The following NCF2 variants were observed in gnomAD, a reference collection of about 807,000 sequenced individuals.
NCF2 encodes the protein neutrophil cytosolic factor 2.
A neutral mutation model predicts 70.9 loss-of-function variants in NCF2; 45 were observed. The observed-to-expected ratio is 0.63, with a 90% CI of 0.50 to 0.81. The LOEUF is 0.81. Ranked by LOEUF, NCF2 falls within the 40% of genes least tolerant of loss-of-function variation. The pLI is 0.00. For missense variants in NCF2, 522 were observed against 631.6 expected (o/e 0.83, Z 1.86); for synonymous variants, 203 against 233.6 (o/e 0.87, Z 1.19).
At chr1:183,590,702 T>A (rs1049743448), upstream of NCF2, 2 of 306,526 alleles carry the variant, frequency 6.5e-6, no homozygotes, top group Admixed American at 4.3e-5. Context: ...CCCACCCCTG[T>A]TCTGTGGCAG....
intron 11 of NCF2, chr1:183,563,789 TA>T: frequency 1.2e-6 from 1 of 809,276 alleles, no homozygotes; most frequent in Non-Finnish European, 2.0e-6. Flanking sequence ...TCCTACTGAG[TA>T]AGATCTGGCC....
chr1:183,574,125 T>A (rs1672693144), intron 4 of NCF2, among the ~76,000 whole-genome samples: 1 of 152,218 alleles, frequency 6.6e-6, no homozygotes, highest in Non-Finnish European at 1.5e-5. Context: ...AGAGCTGTTA[T>A]GTGCCTAGCA....
At chr1:183,565,627 G>A (rs1021959061) in intron 10 of NCF2, 77 bp downstream of exon 10, 2 of 1,411,684 alleles carry the variant, frequency 1.4e-6, no homozygotes, top group East Asian at 4.6e-5. Context: ...TTTCCTGGAA[G>A]GCAGGGAGAG....
chr1:183,588,694 T>C (rs1673493056), intron 1 of NCF2, among the ~76,000 whole-genome samples: 1 of 152,126 alleles, frequency 6.6e-6, no homozygotes, highest in African/African-American at 2.4e-5. Context: ...TGATAATGAA[T>C]AAGAATGCAT....
intron 2 of NCF2, among the ~76,000 whole-genome samples, chr1:183,578,569 T>C (rs1216743636): frequency 6.6e-6 from 1 of 152,212 alleles, no homozygotes; most frequent in Non-Finnish European, 1.5e-5. Context: ...TTTCACCATG[T>C]TGGCCAGGCT....
chr1:183,560,055 A>C, intron 14 of NCF2, 41 bp downstream of exon 14: 3 of 1,584,322 alleles, frequency 1.9e-6, no homozygotes, highest in South Asian at 1.1e-5. Flanking sequence ...TGTTTCTGCT[A>C]ACATGTAAAT....
At chr1:183,578,283 G>A (rs575492608) in intron 2 of NCF2, among the ~76,000 whole-genome samples, 50 of 151,230 alleles carry the variant, frequency 3.3e-4, no homozygotes, top group Admixed American at 1.7e-3. Flanking sequence ...CTCACCGCCC[G>A]CCACTTCTGC....
At chr1:183,563,699 A>G in intron 11 of NCF2, 114 bp from the exon 12 acceptor site, 1 of 1,312,324 alleles carries the variant, frequency 7.6e-7, no homozygotes, top group Non-Finnish European at 1.1e-6. Flanking sequence ...AGCAGGGGAG[A>G]GGCCAGTAAG....
At chr1:183,598,445 A>G in the NCF2 span, among the ~76,000 whole-genome samples, 3 of 152,180 alleles carry the variant, frequency 2.0e-5, no homozygotes, top group Non-Finnish European at 4.4e-5. Flanking sequence ...GAGACTCCCC[A>G]GAGAACGCTC....
upstream of NCF2, among the ~76,000 whole-genome samples, chr1:183,592,605 G>A (rs750235630): frequency 3.1e-4 from 47 of 152,192 alleles, no homozygotes; most frequent in Non-Finnish European, 5.6e-4. Context: ...TGACCTGCAG[G>A]TAGCAGTGAT....
the NCF2 span, among the ~76,000 whole-genome samples, chr1:183,599,628 T>C: frequency 6.6e-6 from 1 of 151,726 alleles, no homozygotes; most frequent in Non-Finnish European, 1.5e-5. Flanking sequence ...CTCTGCTCAC[T>C]GCAACCTCCA....
At chr1:183,559,019 T>G (rs1671918669) in intron 14 of NCF2, among the ~76,000 whole-genome samples, 1 of 152,206 alleles carries the variant, frequency 6.6e-6, no homozygotes, top group South Asian at 2.1e-4. Flanking sequence ...AGGTAGAGAA[T>G]TAGGCTGGCA....
chr1:183,583,433 C>T (rs966474391), intron 2 of NCF2, among the ~76,000 whole-genome samples: 30 of 152,314 alleles, frequency 2.0e-4, no homozygotes, highest in African/African-American at 4.8e-4. Context: ...CTACCTCTTA[C>T]AGCAGTTACC....
chr1:183,597,259 C>T, the NCF2 span, among the ~76,000 whole-genome samples: 1 of 152,078 alleles, frequency 6.6e-6, no homozygotes, highest in African/African-American at 2.4e-5. Context: ...TTCAAAACTC[C>T]GTGGGTCTTT....
chr1:183,597,329 T>TATC, the NCF2 span, among the ~76,000 whole-genome samples: 11 of 152,130 alleles, frequency 7.2e-5, no homozygotes, highest in Non-Finnish European at 1.3e-4. Context: ...AGCCAGTGAG[T>TATC]ATCTAAGGGG....
At chr1:183,580,095 G>A (rs1672990402) in intron 2 of NCF2, among the ~76,000 whole-genome samples, 1 of 152,212 alleles carries the variant, frequency 6.6e-6, no homozygotes, top group Non-Finnish European at 1.5e-5. Flanking sequence ...TGCCAGTGTG[G>A]CTGGGGGAGA....
chr1:183,556,973 A>T (rs187807528), intron 14 of NCF2, among the ~76,000 whole-genome samples: 3 of 152,354 alleles, frequency 2.0e-5, no homozygotes, highest in Admixed American at 2.0e-4. Context: ...AACTCCATTA[A>T]ACAGGTGAGC....
At chr1:183,590,047 T>C in intron 1 of NCF2, 109 bp downstream of exon 1, 1 of 1,545,886 alleles carries the variant, frequency 6.5e-7, no homozygotes, top group Non-Finnish European at 8.9e-7. Context: ...CTTGGGCAAC[T>C]TTTGTTCTTT....
chr1:183,582,170 CAGCG>C, intron 2 of NCF2, among the ~76,000 whole-genome samples: 1 of 152,324 alleles, frequency 6.6e-6, no homozygotes, highest in East Asian at 1.9e-4. Context: ...AAATAGCATT[CAGCG>C]CTGTGTGCCA....
Sources: allele counts gnomAD v4.1 joint callset (sites outside exome capture counted in the v4.1 genomes callset), GRCh38; gene constraint gnomAD v4.1.1; transcripts MANE v1.5; gene names NCBI Gene and HGNC (gene_info 2026-07-23, HGNC 2026-07-21).